The following TMEM130 variants were observed in gnomAD, a reference collection of about 807,000 sequenced individuals.
TMEM130 encodes the protein transmembrane protein 130.
A neutral mutation model predicts 42.9 loss-of-function variants in TMEM130; 37 were observed. The ratio of observed to expected loss-of-function variants is 0.86; its 90% CI spans 0.66 to 1.13. The LOEUF is 1.13. Among genes scored for constraint, TMEM130 ranks in the 50% most tolerant of loss-of-function variants. The pLI, the probability that TMEM130 is intolerant of heterozygous loss-of-function variation, is 0.00. For synonymous variants in TMEM130, 259 were observed against 237.7 expected (o/e 1.09, Z -0.82); for missense variants, 545 against 562.6 (o/e 0.97, Z 0.32).
intron 5 of TMEM130, among the ~76,000 whole-genome samples, chr7:98,854,588 T>C (rs1794585832): frequency 6.6e-6 from 1 of 151,930 alleles, no homozygotes; most frequent in Admixed American, 6.6e-5. Context: ...AAATTAAAAA[T>C]TGGCCAGGCA....
intron 5 of TMEM130, among the ~76,000 whole-genome samples, chr7:98,854,974 C>T (rs553886688): frequency 2.0e-5 from 3 of 152,148 alleles, no homozygotes; most frequent in South Asian, 4.1e-4. Context: ...AGGCAGAGGT[C>T]GCAGTGAGCC....
In TMEM130 at chr7:98,869,276, G is replaced by A; in HGVS notation, c.85+501C>T. 1 of 1,288,302 alleles carries A rather than the reference G, an allele frequency of 7.8e-7. No homozygotes were observed. The highest frequency in any genetic ancestry group is 1.0e-6 in the Non-Finnish European group (1 of 988,500). 79.8% of individuals were successfully genotyped at this position (1,288,302 alleles called of 1,614,324 possible). On this transcript the variant is annotated intron_variant, in intron 1 of 7. Transcript: ENST00000339375. This position sits in a 1 kb window ranked among gnomAD's most constrained non-coding sequence, Gnocchi z 4.7. ...AGAGGAAATGGCAGCCTGGCCTCCT[G>A]GGCTCTAAATTCGCATCTCCCCAAA...
chr7:98,849,740 A>C (rs1446222155), intron 6 of TMEM130, among the ~76,000 whole-genome samples: 1 of 152,164 alleles, frequency 6.6e-6, no homozygotes, highest in East Asian at 1.9e-4. Flanking sequence ...AGGACCAGGA[A>C]TCTGAAACCC....
intron 5 of TMEM130, among the ~76,000 whole-genome samples, chr7:98,853,366 G>A (rs1011798623): frequency 6.6e-6 from 1 of 152,122 alleles, no homozygotes; most frequent in African/African-American, 2.4e-5. Flanking sequence ...GGTGGCTCAC[G>A]CCTGTAATAC....
At chr7:98,854,086 G>A (rs1794573567) in intron 5 of TMEM130, among the ~76,000 whole-genome samples, 1 of 148,780 alleles carries the variant, frequency 6.7e-6, no homozygotes, top group South Asian at 2.2e-4. Flanking sequence ...CGCCCAGGCT[G>A]GAGTGCAATG....
intron 1 of TMEM130, among the ~76,000 whole-genome samples, chr7:98,867,335 C>T (rs1394171658): frequency 1.2e-4 from 19 of 152,054 alleles, no homozygotes; most frequent in African/African-American, 4.6e-4. Context: ...TCTGTACTAC[C>T]CTGGTTGGGC....
intron 2 of TMEM130, 78 bp downstream of exon 2, chr7:98,863,017 C>T (rs906124258): frequency 8.7e-6 from 13 of 1,486,346 alleles, no homozygotes; most frequent in Non-Finnish European, 1.2e-5. Flanking sequence ...CTGCATTGAT[C>T]TGATTCCTAG....
In TMEM130 at chr7:98,856,095, A is replaced by G; in HGVS notation, c.640T>C (p.Trp214Arg). Reference sequence around the variant, plus strand: ...GTGGCATCCGGCTCCACCTCTTCCCACTCCGCCACCACTTTGAGCTTCACG... The same window carrying G: ...GTGGCATCCGGCTCCACCTCTTCCCGCTCCGCCACCACTTTGAGCTTCACG... ...FTVKLKVVAEWEEVEPDATRA... is the reference protein window; with the variant it reads ...FTVKLKVVAEREEVEPDATRA... Residue 214 changes from tryptophan (W) to arginine (R), a missense_variant, in exon 4 of 8, where the codon TGG becomes CGG. By Grantham distance (101) the Trp-to-Arg change is moderately radical. Coordinates refer to ENST00000339375, the MANE Select transcript of TMEM130 (RefSeq NM_152913.3). 6.2e-7 allele frequency: 1 copy of G among 1,613,044 alleles called. No homozygotes were observed. The highest frequency in any genetic ancestry group is 8.5e-7 in the Non-Finnish European group (1 of 1,179,786).
At chr7:98,865,616 T>C (rs556802350) in intron 1 of TMEM130, among the ~76,000 whole-genome samples, 1 of 152,126 alleles carries the variant, frequency 6.6e-6, no homozygotes, top group South Asian at 2.1e-4. Flanking sequence ...CAAAAAAATT[T>C]AAAAAAAGAA....
At chr7:98,855,392 G>A in intron 4 of TMEM130, 68 bp from the exon 5 acceptor site, 1 of 1,446,648 alleles carries the variant, frequency 6.9e-7, no homozygotes, top group Non-Finnish European at 9.5e-7. Context: ...CCAGGGCACA[G>A]GGTGGTGCGA....
At position 98,855,263 on chromosome 7, in the gene TMEM130, G is replaced by A. The variant is rs144847967; in HGVS notation, c.780C>T (p.Thr260=). The A allele has an allele frequency of 4.0e-5, 64 of 1,613,408 alleles. No individual in the cohort carries two copies. The highest frequency in any genetic ancestry group is 2.0e-4 in the Admixed American group (12 of 59,916). The change falls in exon 5 of 8, where the codon ACC becomes ACT. Residue 260 remains threonine, a synonymous_variant. Transcript: ENST00000339375. The part of the protein sequence containing the change: ...PTLIQTFQKM[T]VTLNFLGSPP... ...ACCTCCCCAGGAAGTTCAAGGTCAC[G>A]GTCATCTTTTGGAAGGTCTGAATTA...
At chr7:98,855,989 G>C (rs1794623381) in intron 4 of TMEM130, 28 bp downstream of exon 4, 1 of 1,607,692 alleles carries the variant, frequency 6.2e-7, no homozygotes, top group African/African-American at 1.3e-5. Context: ...GGAACGCCCA[G>C]ACTGCATCAG....
chr7:98,863,877 C>CCTCTCT (rs370506746), intron 1 of TMEM130, among the ~76,000 whole-genome samples: 1 of 143,156 alleles, frequency 7.0e-6, no homozygotes, highest in African/African-American at 2.6e-5. Context: ...TTCCTTTCTT[C>CCTCTCT]CTCTCTCTCT....
chr7:98,860,710 C>T (rs1348661558), intron 2 of TMEM130, among the ~76,000 whole-genome samples: 4 of 151,684 alleles, frequency 2.6e-5, no homozygotes, highest in Non-Finnish European at 5.9e-5. Flanking sequence ...TTTGGGAGGC[C>T]GAGGTTGGTG....
intron 5 of TMEM130, among the ~76,000 whole-genome samples, chr7:98,852,129 T>A (rs1418723101): frequency 6.6e-6 from 1 of 151,852 alleles, no homozygotes; most frequent in Admixed American, 6.6e-5. Flanking sequence ...TAATTTAATT[T>A]AATTTAATTT....
chr7:98,869,477 C>T lies in TMEM130; in HGVS notation c.85+300G>A. 4.8e-6 allele frequency: 4 copies of T among 840,080 alleles called. No homozygotes were observed. The highest frequency in any genetic ancestry group is 5.7e-6 in the Non-Finnish European group (4 of 696,988). 52.0% of individuals were successfully genotyped at this position (840,080 alleles called of 1,614,324 possible). ...CCTTAGCGGGTGCATGGTCCCCAGG[C>T]ATCGACGGATGCGCCGGCCACCCCC... On this transcript the variant is annotated intron_variant, in intron 1 of 7. Coordinates refer to ENST00000339375, the MANE Select transcript of TMEM130 (RefSeq NM_152913.3). This position sits in a 1 kb window ranked among gnomAD's most constrained non-coding sequence, Gnocchi z 4.7.
rs1794395761 is a variant in TMEM130, at chr7:98,847,899, G to A, written c.*157C>T. The A allele has an allele frequency of 1.5e-6, 1 of 663,632 alleles. No individual in the cohort carries two copies. The highest frequency in any genetic ancestry group is 1.8e-5 in the African/African-American group (1 of 54,872). The allele number at this position is 663,632 out of a possible 1,614,324, so 41.1% of individuals were successfully genotyped here. On this transcript the variant is annotated 3_prime_UTR_variant, in exon 8 of 8. Transcript: ENST00000339375. Reference sequence around the variant, plus strand: ...GGGTCAGGGGTGACAGAGAGGGAGGGGCTTGTGGCAGTGGCTGAACTGTAC... The same window carrying A: ...GGGTCAGGGGTGACAGAGAGGGAGGAGCTTGTGGCAGTGGCTGAACTGTAC...
intron 1 of TMEM130, among the ~76,000 whole-genome samples, chr7:98,865,001 GA>G (rs1272484971): frequency 1.3e-5 from 2 of 152,250 alleles, no homozygotes; most frequent in Admixed American, 1.3e-4. Context: ...ACTCCATGTG[GA>G]AATGAAAGTT....
intron 2 of TMEM130, 70 bp downstream of exon 2, chr7:98,863,025 T>G (rs1054839758): frequency 5.5e-5 from 83 of 1,509,456 alleles, no homozygotes; most frequent in Non-Finnish European, 7.1e-5. Flanking sequence ...ATCTGATTCC[T>G]AGCGAAGCTT....
Sources: gnomAD v4.1 joint callset for allele counts (sites outside exome capture counted in the v4.1 genomes callset) on GRCh38, gnomAD v4.1.1 for gene constraint, Gnocchi (gnomAD v3.1) non-coding constraint, MANE v1.5 for transcripts, NCBI Gene and HGNC (gene_info 2026-07-23, HGNC 2026-07-21) for gene names.